Variants in PTPRD observed in about 807,000 individuals in gnomAD.
The protein encoded by PTPRD is receptor-type tyrosine-protein phosphatase delta.
Under a neutral mutation model 214.5 loss-of-function variants are expected in PTPRD, and 34 were observed. The ratio of observed to expected loss-of-function variants is 0.16; its 90% CI spans 0.12 to 0.21. PTPRD has a LOEUF of 0.21. PTPRD is among the 10% of genes least tolerant of loss of function. PTPRD has a pLI of 1.00. For missense variants in PTPRD, 2,545 were observed against 2,398.7 expected (o/e 1.06, Z -1.27); for synonymous variants, 1,128 against 845.7 (o/e 1.33, Z -5.79).
chr9:10,251,480 G>A (rs1483432291), intron 3 of PTPRD, among the ~76,000 whole-genome samples: 1 of 151,606 alleles, frequency 6.6e-6, no homozygotes, highest in East Asian at 1.9e-4. Flanking sequence ...TTCATTTCGA[G>A]TTATGTGATT....
rs542124959 is a variant in PTPRD at position 9,577,297 on chromosome 9, C to T, written c.-286-2516G>A. On this transcript the variant is annotated intron_variant, in intron 7 of 45. Coordinates refer to ENST00000381196, the MANE Select transcript of PTPRD (RefSeq NM_002839.4). The stretch of plus-strand genomic sequence containing the variant: ...GGAAAGCATTGGCTGGGCATGGTGG[C>T]TAATGTCTGTAACCTCAGCACTTTG... Among the ~76,000 whole-genome samples, 424 of 152,226 alleles carry T rather than the reference C, an allele frequency of 2.8e-3. 1 individual carries two copies. Among genetic ancestry groups the T allele is most frequent in the African/African-American group, 9.6e-3 (400 of 41,554 alleles).
intron 10 of PTPRD, among the ~76,000 whole-genome samples, chr9:9,047,376 C>T (rs1333020926): frequency 2.0e-5 from 3 of 152,080 alleles, no homozygotes; most frequent in African/African-American, 7.2e-5. Context: ...ATACCAATGA[C>T]ATTTTTTATA....
intron 11 of PTPRD, among the ~76,000 whole-genome samples, chr9:8,954,181 A>G (rs769219111): frequency 6.6e-6 from 1 of 151,960 alleles, no homozygotes; most frequent in African/African-American, 2.4e-5. Flanking sequence ...GAACAAAATC[A>G]TATTCTTTGC....
intron 2 of PTPRD, among the ~76,000 whole-genome samples, chr9:10,528,606 A>G (rs943323119): frequency 6.6e-6 from 1 of 152,174 alleles, no homozygotes; most frequent in African/African-American, 2.4e-5. Flanking sequence ...CACATTGACA[A>G]TTGATGCTGT....
At chr9:9,261,647 C>T (rs1329936973) in intron 9 of PTPRD, among the ~76,000 whole-genome samples, 2 of 148,098 alleles carry the variant, frequency 1.4e-5, no homozygotes, top group African/African-American at 5.0e-5. Flanking sequence ...TGTGCATGCA[C>T]GTGTGTGTGT....
At chr9:9,589,923 A>T (rs2092539460) in intron 7 of PTPRD, among the ~76,000 whole-genome samples, 1 of 151,940 alleles carries the variant, frequency 6.6e-6, no homozygotes, top group Non-Finnish European at 1.5e-5. Context: ...TCTACAGGTC[A>T]TCTCGGCAAT....
chr9:9,729,730 T>A (rs1400279898), intron 7 of PTPRD, among the ~76,000 whole-genome samples: 3 of 151,818 alleles, frequency 2.0e-5, no homozygotes, highest in African/African-American at 7.3e-5. Flanking sequence ...TATTACCCAA[T>A]CCCTATCAAA....
chr9:9,921,267 A>T (rs915437677), intron 5 of PTPRD, among the ~76,000 whole-genome samples: 1 of 152,058 alleles, frequency 6.6e-6, no homozygotes, highest in African/African-American at 2.4e-5. Context: ...GAATTTCTAT[A>T]ACATAAATGT....
At chr9:10,020,394 C>T (rs1238425150) in intron 4 of PTPRD, among the ~76,000 whole-genome samples, 2 of 147,668 alleles carry the variant, frequency 1.4e-5, no homozygotes, top group African/African-American at 2.5e-5. Context: ...CTCCACTTCT[C>T]GGGTTCAAGC....
intron 5 of PTPRD, among the ~76,000 whole-genome samples, chr9:9,923,122 G>T (rs1005502153): frequency 6.8e-5 from 10 of 146,534 alleles, no homozygotes; most frequent in Non-Finnish European, 1.0e-4. Flanking sequence ...TGTGTGTGGG[G>T]GGTGTGTGTG....
intron 12 of PTPRD, among the ~76,000 whole-genome samples, chr9:8,646,851 A>G (rs917898585): frequency 1.2e-4 from 19 of 152,194 alleles, no homozygotes; most frequent in Admixed American, 5.9e-4. Context: ...TGCATACATG[A>G]GCTTGGTAAA....
chr9:10,175,330 T>C (rs746277991), intron 3 of PTPRD, among the ~76,000 whole-genome samples: 16 of 152,072 alleles, frequency 1.1e-4, no homozygotes, highest in Non-Finnish European at 2.1e-4. Flanking sequence ...AAAAAGCATC[T>C]GGCTTACCCA....
intron 3 of PTPRD, among the ~76,000 whole-genome samples, chr9:10,316,384 C>G (rs2154423405): frequency 6.6e-6 from 1 of 151,744 alleles, no homozygotes; most frequent in South Asian, 2.1e-4. Flanking sequence ...TCCCAACAAC[C>G]TAATACTTGA....
chr9:8,647,541 A>G (rs144905047), intron 12 of PTPRD, among the ~76,000 whole-genome samples: 1 of 152,310 alleles, frequency 6.6e-6, no homozygotes, highest in African/African-American at 2.4e-5. Flanking sequence ...TTATTGTTAA[A>G]CATTTAGGTT....
intron 11 of PTPRD, among the ~76,000 whole-genome samples, chr9:8,776,639 A>T (rs1466709340): frequency 6.6e-6 from 1 of 152,000 alleles, no homozygotes; most frequent in Non-Finnish European, 1.5e-5. Flanking sequence ...GGGTGATCCA[A>T]TGGGCTCTGT....
At chr9:10,563,987 C>T (rs2064822780) in intron 2 of PTPRD, among the ~76,000 whole-genome samples, 1 of 151,400 alleles carries the variant, frequency 6.6e-6, no homozygotes, top group African/African-American at 2.4e-5. Context: ...CCAGTTGTTT[C>T]CCCTACCTAC....
chr9:9,899,837 T>C (rs1477950461), intron 5 of PTPRD, among the ~76,000 whole-genome samples: 3 of 152,062 alleles, frequency 2.0e-5, no homozygotes, highest in South Asian at 4.1e-4. Flanking sequence ...AGATTTATTA[T>C]ACATGCAGAT....
intron 11 of PTPRD, among the ~76,000 whole-genome samples, chr9:8,872,252 G>A (rs2098313706): frequency 6.6e-6 from 1 of 152,198 alleles, no homozygotes; most frequent in Admixed American, 6.5e-5. Context: ...CCTGTAGAGT[G>A]AGTGGATTAT....
intron 3 of PTPRD, among the ~76,000 whole-genome samples, chr9:10,132,693 G>C (rs2098905167): frequency 6.6e-6 from 1 of 152,200 alleles, no homozygotes; most frequent in Admixed American, 6.5e-5. Flanking sequence ...ATGAGTAAGA[G>C]ATCAGGTAAG....
Sources: gnomAD v4.1 joint callset for allele counts (sites outside exome capture counted in the v4.1 genomes callset) on GRCh38, gnomAD v4.1.1 for gene constraint, MANE v1.5 for transcripts, NCBI Gene and HGNC (gene_info 2026-07-23, HGNC 2026-07-21) for gene names.